SNW1: variants seen among roughly 807,000 people sequenced by gnomAD.
SNW1 encodes SNW domain-containing protein 1.
SNW1 carries 9 observed loss-of-function variants against 75.6 expected under a neutral mutation model. That is an observed-to-expected ratio of 0.12 (90% confidence interval 0.07 to 0.21). The LOEUF (loss-of-function observed/expected upper bound fraction) is 0.21. Among genes scored for constraint, SNW1 ranks in the 10% least tolerant of loss-of-function variants. SNW1 has a pLI of 1.00. For synonymous variants in SNW1, 200 were observed against 219.1 expected (o/e 0.91, Z 0.77); for missense variants, 409 against 670.9 (o/e 0.61, Z 4.31).
At chr14:77,731,688 C>T (rs370460257) in intron 9 of SNW1, among the ~76,000 whole-genome samples, 1 of 152,184 alleles carries the variant, frequency 6.6e-6, no homozygotes, top group African/African-American at 2.4e-5. Flanking sequence ...CAAACACATG[C>T]TATGATGCAT....
At chr14:77,754,678 G>GT (rs1275484706) in intron 2 of SNW1, among the ~76,000 whole-genome samples, 1 of 151,858 alleles carries the variant, frequency 6.6e-6, no homozygotes, top group Non-Finnish European at 1.5e-5. Context: ...ATTATTTTCC[G>GT]TAATTCCTGA....
intron 8 of SNW1, chr14:77,734,030 C>T (rs1220839945): frequency 1.2e-5 from 4 of 337,704 alleles, no homozygotes; most frequent in Non-Finnish European, 1.8e-5. Flanking sequence ...GACCAGTCGG[C>T]AACCTCTTTG....
At position 77,754,950 on chromosome 14, in the gene SNW1, T is replaced by C. The variant is rs377062442; in HGVS notation, c.168+17A>G. ...TCAGCACAATTTAACAAATCTAAAC[T>C]TAAGATCTATATGTACCTCTAATAA... On this transcript the variant is annotated intron_variant, in intron 2 of 13. Transcript: ENST00000261531. 1 of 1,553,160 alleles carries C rather than the reference T, an allele frequency of 6.4e-7. No individual in the cohort carries two copies. Among genetic ancestry groups the C allele is most frequent in the African/African-American group, 1.4e-5 (1 of 72,510 alleles).
intron 8 of SNW1, among the ~76,000 whole-genome samples, chr14:77,733,552 C>A (rs1409204880): frequency 6.6e-6 from 1 of 151,832 alleles, no homozygotes; most frequent in African/African-American, 2.4e-5. Context: ...CAAGACCAGC[C>A]TGGCAACATG....
chr14:77,721,721 TTTTC>T (rs1280355256), intron 11 of SNW1, among the ~76,000 whole-genome samples: 3 of 152,162 alleles, frequency 2.0e-5, no homozygotes, highest in African/African-American at 7.2e-5. Context: ...GCAGGAATCT[TTTTC>T]ATGCTTATTT....
chr14:77,752,800 C>T (rs7146446), intron 2 of SNW1, among the ~76,000 whole-genome samples: 15,489 of 152,034 alleles, frequency 0.1, 928 homozygotes, highest in African/African-American at 0.15. Context: ...AGTAATACTC[C>T]GTTAGATCTA....
intron 3 of SNW1, among the ~76,000 whole-genome samples, chr14:77,748,152 G>C (rs889082219): frequency 1.3e-5 from 2 of 152,136 alleles, no homozygotes; most frequent in Non-Finnish European, 2.9e-5. Flanking sequence ...TGTCCACTCA[G>C]GGTTAAATGG....
chr14:77,741,963 T>A (rs1555387951), intron 3 of SNW1, among the ~76,000 whole-genome samples: 1 of 152,142 alleles, frequency 6.6e-6, no homozygotes, highest in African/African-American at 2.4e-5. Flanking sequence ...AAGATTCTAG[T>A]ATCTCACAAG....
At chr14:77,739,669 T>C (rs941004026) in intron 3 of SNW1, among the ~76,000 whole-genome samples, 5 of 151,968 alleles carry the variant, frequency 3.3e-5, no homozygotes, top group African/African-American at 7.2e-5. Flanking sequence ...TTTATATCCA[T>C]TATCCAAATT....
In SNW1 at chr14:77,718,286, T is replaced by C; in HGVS notation, c.1413A>G (p.Arg471=). 2 of 1,613,866 alleles carry C rather than the reference T, an allele frequency of 1.2e-6. No individual in the cohort carries two copies. ...DDLEARIKTN[R]FVPDKEFSGS... The stretch of plus-strand genomic sequence containing the variant: ...CAGAAAACTCCTTGTCGGGAACAAA[T>C]CTAAGGAAAAGGAGAAAAAACTATG... The change falls in exon 14 of 14, where the codon AGA becomes AGG. Residue 471 remains arginine (R), a splice_region_variant and synonymous_variant. Transcript: ENST00000261531.
chr14:77,728,145 G>T (rs1023591905), intron 10 of SNW1, among the ~76,000 whole-genome samples: 4 of 151,694 alleles, frequency 2.6e-5, no homozygotes, highest in Admixed American at 2.0e-4. Flanking sequence ...GTTTGAAAAT[G>T]TTCATAATAA....
intron 1 of SNW1, among the ~76,000 whole-genome samples, chr14:77,759,402 C>T (rs932859858): frequency 2.6e-5 from 4 of 152,116 alleles, no homozygotes; most frequent in Non-Finnish European, 5.9e-5. Context: ...GTCCCAGCTA[C>T]TCTAGGGCGC....
intron 3 of SNW1, among the ~76,000 whole-genome samples, chr14:77,743,291 T>G (rs569557147): frequency 6.6e-6 from 1 of 152,236 alleles, no homozygotes; most frequent in South Asian, 2.1e-4. Context: ...GTATCAAGAT[T>G]TACACTAAAA....
At chr14:77,734,398 C>A (rs907681634) in intron 8 of SNW1, among the ~76,000 whole-genome samples, 4 of 152,074 alleles carry the variant, frequency 2.6e-5, no homozygotes, top group Non-Finnish European at 5.9e-5. Context: ...ACACTTTATT[C>A]TACTTATTCC....
At chr14:77,730,113 G>A (rs1363150979) in intron 10 of SNW1, among the ~76,000 whole-genome samples, 1 of 152,156 alleles carries the variant, frequency 6.6e-6, no homozygotes, top group Non-Finnish European at 1.5e-5. Context: ...TCTTCCCCCA[G>A]AAATCCACAT....
At chr14:77,745,856 A>G (rs1182678385) in intron 3 of SNW1, among the ~76,000 whole-genome samples, 1 of 151,962 alleles carries the variant, frequency 6.6e-6, no homozygotes, top group Non-Finnish European at 1.5e-5. Flanking sequence ...AAACCCTGTC[A>G]CTACAAAAAA....
intron 3 of SNW1, among the ~76,000 whole-genome samples, chr14:77,748,506 A>C (rs2080782089): frequency 6.6e-6 from 1 of 152,174 alleles, no homozygotes; most frequent in South Asian, 2.1e-4. Context: ...TCTGGGAAGT[A>C]AAGTAGGAGA....
chr14:77,733,903 A>G (rs747745324), intron 8 of SNW1: 2 of 429,886 alleles, frequency 4.7e-6, no homozygotes, highest in South Asian at 3.3e-5. Flanking sequence ...TATTTTCCAG[A>G]TATCTGACTA....
At chr14:77,720,159 ACT>A (rs1488503316) in intron 12 of SNW1, among the ~76,000 whole-genome samples, 5 of 152,210 alleles carry the variant, frequency 3.3e-5, no homozygotes, top group African/African-American at 1.2e-4. Context: ...TTTGTAGGAC[ACT>A]GACTCTTTTA....
Sources: allele counts gnomAD v4.1 joint callset (sites outside exome capture counted in the v4.1 genomes callset), GRCh38; gene constraint gnomAD v4.1.1; transcripts MANE v1.5; gene names NCBI Gene and HGNC (gene_info 2026-07-23, HGNC 2026-07-21).